The following GRID2 variants were observed in gnomAD, a reference collection of about 807,000 sequenced individuals.
GRID2 encodes glutamate receptor ionotropic, delta-2.
In GRID2, 33 loss-of-function variants were observed where a neutral mutation model predicts 114.8. That is an observed-to-expected ratio of 0.29 (90% CI 0.22 to 0.38). The LOEUF is 0.38. Among genes scored for constraint, GRID2 ranks in the 10% least tolerant of loss-of-function variants. The pLI is 1.00. For synonymous variants in GRID2, 505 were observed against 449.9 expected, an observed-to-expected ratio of 1.12 and a Z score of -1.55; for missense variants, 1,184 against 1,257.7, an observed-to-expected ratio of 0.94 and a Z score of 0.89.
Position 93,755,802 on chromosome 4 carries a change from T to C in GRID2, c.2361-13408T>C, listed in dbSNP as rs553284226. On this transcript the variant is annotated intron_variant, in intron 14 of 15. Transcript: ENST00000282020. Reference sequence around the variant, plus strand: ...TAATGACATAATCAGTTTAAGTAGTTGATCAGGTTTGCCACATCAAGTTAT... The same window carrying C: ...TAATGACATAATCAGTTTAAGTAGTCGATCAGGTTTGCCACATCAAGTTAT... 6.6e-5 allele frequency among the ~76,000 whole-genome samples: 10 copies of C among 152,358 alleles called. No individual in the cohort carries two copies. The East Asian group carries it at 1.9e-3, about 29-fold the overall frequency.
chr4:92,952,432 A>G (rs1468105945), intron 2 of GRID2, among the ~76,000 whole-genome samples: 4 of 152,222 alleles, frequency 2.6e-5, no homozygotes, highest in African/African-American at 9.6e-5. Context: ...AATTATGATC[A>G]AAACATGAAT....
At chr4:92,367,188 T>C (rs1048488444) in intron 1 of GRID2, among the ~76,000 whole-genome samples, 5 of 152,098 alleles carry the variant, frequency 3.3e-5, no homozygotes, top group East Asian at 1.9e-4. Flanking sequence ...AGTTTTAACC[T>C]CCATGGATGA....
At chr4:92,586,321 C>CT (rs1728438025) in intron 1 of GRID2, among the ~76,000 whole-genome samples, 1 of 150,666 alleles carries the variant, frequency 6.6e-6, no homozygotes, top group South Asian at 2.1e-4. Context: ...ATTTTATGAT[C>CT]TGAAGTACTG....
At chr4:92,637,653 A>T (rs1731138087) in intron 2 of GRID2, among the ~76,000 whole-genome samples, 1 of 152,006 alleles carries the variant, frequency 6.6e-6, no homozygotes, top group Non-Finnish European at 1.5e-5. Flanking sequence ...GAGAGCAAGG[A>T]TATTGAACTC....
At chr4:93,119,432 G>C (rs1309907544) in intron 4 of GRID2, among the ~76,000 whole-genome samples, 2 of 152,116 alleles carry the variant, frequency 1.3e-5, no homozygotes, top group Non-Finnish European at 2.9e-5. Context: ...ATATAAATTA[G>C]ACATTTTGGC....
intron 2 of GRID2, among the ~76,000 whole-genome samples, chr4:93,046,291 C>T (rs1247175692): frequency 6.6e-6 from 1 of 152,030 alleles, no homozygotes; most frequent in African/African-American, 2.4e-5. Flanking sequence ...CTCTGTCGGT[C>T]GTTCTTCAGG....
At chr4:93,220,204 C>T (rs1744712317) in intron 6 of GRID2, among the ~76,000 whole-genome samples, 1 of 151,878 alleles carries the variant, frequency 6.6e-6, no homozygotes, top group South Asian at 2.1e-4. Context: ...ACAGGGCTTC[C>T]TTAAAAACAA....
intron 14 of GRID2, among the ~76,000 whole-genome samples, chr4:93,655,736 A>G (rs1013778566): frequency 6.6e-6 from 1 of 152,084 alleles, no homozygotes; most frequent in African/African-American, 2.4e-5. Context: ...AAATTGTTCT[A>G]AATCCCTCAT....
intron 2 of GRID2, among the ~76,000 whole-genome samples, chr4:92,732,588 C>T (rs1001327595): frequency 1.3e-5 from 2 of 151,984 alleles, no homozygotes; most frequent in African/African-American, 4.8e-5. Flanking sequence ...CTCTAGTTCC[C>T]TTGTTTATTC....
chr4:92,847,534 T>C (rs1243837428), intron 2 of GRID2, among the ~76,000 whole-genome samples: 2 of 152,088 alleles, frequency 1.3e-5, no homozygotes, highest in African/African-American at 2.4e-5. Context: ...ATAATAAATA[T>C]GAATTTCTTT....
intron 14 of GRID2, among the ~76,000 whole-genome samples, chr4:93,698,158 A>AT (rs1385141012): frequency 6.6e-6 from 1 of 151,888 alleles, no homozygotes; most frequent in African/African-American, 2.4e-5. Context: ...CATTTGGATC[A>AT]TTTTTTCTCT....
chr4:92,373,451 T>G (rs1381146273), intron 1 of GRID2, among the ~76,000 whole-genome samples: 1 of 152,228 alleles, frequency 6.6e-6, no homozygotes, highest in Non-Finnish European at 1.5e-5. Context: ...CTAACAATGT[T>G]GTAGCCTGGC....
chr4:93,395,562 C>T lies in GRID2; in HGVS notation c.1246-45C>T, dbSNP rs369644562. 5.6e-4 allele frequency: 465 copies of T among 835,118 alleles called. 2 individuals are homozygous for T. Among genetic ancestry groups the T allele is most frequent in the South Asian group, 1.5e-3 (109 of 74,724 alleles). 51.7% of individuals were successfully genotyped at this position (835,118 alleles called of 1,614,324 possible). On this transcript the variant is annotated intron_variant, in intron 8 of 15. Transcript: ENST00000282020. Reference sequence around the variant, plus strand: ...TAAAGACTATACAGAGGTGATGGGACTGTTCTTCAGGCAGAAAAATGACCA... The same window carrying T: ...TAAAGACTATACAGAGGTGATGGGATTGTTCTTCAGGCAGAAAAATGACCA...
At chr4:92,897,216 A>G (rs1485944534) in intron 2 of GRID2, among the ~76,000 whole-genome samples, 2 of 135,976 alleles carry the variant, frequency 1.5e-5, no homozygotes, top group Non-Finnish European at 3.1e-5. Flanking sequence ...AATGGTGCTG[A>G]ATCAACAGTA....
intron 1 of GRID2, among the ~76,000 whole-genome samples, chr4:92,567,898 T>C (rs1372653365): frequency 6.6e-6 from 1 of 151,970 alleles, no homozygotes; most frequent in African/African-American, 2.4e-5. Context: ...ACAAAACCCC[T>C]TGCCCTCATG....
chr4:93,334,391 C>T (rs575662698), intron 8 of GRID2, among the ~76,000 whole-genome samples: 13 of 149,862 alleles, frequency 8.7e-5, no homozygotes, highest in African/African-American at 2.8e-4. Flanking sequence ...AAAAAAAAAC[C>T]GTCGCACTTT....
chr4:92,935,327 A>G (rs1009249931), intron 2 of GRID2, among the ~76,000 whole-genome samples: 26 of 147,404 alleles, frequency 1.8e-4, no homozygotes, highest in African/African-American at 6.0e-4. Flanking sequence ...AATCAAAACC[A>G]CAATGAGATA....
chr4:92,629,190 C>T (rs62307952), intron 2 of GRID2, among the ~76,000 whole-genome samples: 8,458 of 152,032 alleles, frequency 0.056, 300 homozygotes, highest in East Asian at 0.16. Flanking sequence ...TGTACTTTAT[C>T]AACCCATTGA....
intron 2 of GRID2, among the ~76,000 whole-genome samples, chr4:92,774,797 T>C (rs951393834): frequency 6.6e-6 from 1 of 152,054 alleles, no homozygotes; most frequent in East Asian, 1.9e-4. Flanking sequence ...GGTTTTGTCA[T>C]GTTGCCCAGG....
Sources: allele counts gnomAD v4.1 joint callset (sites outside exome capture counted in the v4.1 genomes callset), GRCh38; gene constraint gnomAD v4.1.1; transcripts MANE v1.5; gene names NCBI Gene and HGNC (gene_info 2026-07-23, HGNC 2026-07-21).